TNRC6B: variants seen among roughly 807,000 people sequenced by gnomAD.
The protein encoded by TNRC6B is trinucleotide repeat containing adaptor 6B.
A neutral mutation model predicts 203.6 loss-of-function variants in TNRC6B; 52 were observed. That is an observed-to-expected ratio of 0.26 (90% CI 0.20 to 0.32). TNRC6B has a LOEUF of 0.32. TNRC6B is among the 10% of genes least tolerant of loss of function. The pLI is 1.00. For missense variants in TNRC6B, 1,923 were observed against 2,286.2 expected, an observed-to-expected ratio of 0.84 and a Z score of 3.24; for synonymous variants, 838 against 845.7, an observed-to-expected ratio of 0.99 and a Z score of 0.16.
intron 1 of TNRC6B, chr22:40,106,929 T>C: frequency 9.7e-7 from 1 of 1,032,100 alleles, no homozygotes; most frequent in Non-Finnish European, 1.5e-6. Flanking sequence ...AACTTCCTCC[T>C]TGCCCTTTGA....
intron 1 of TNRC6B, among the ~76,000 whole-genome samples, chr22:40,096,836 A>G (rs1161567260): frequency 1.3e-5 from 2 of 152,264 alleles, no homozygotes; most frequent in African/African-American, 4.8e-5. Context: ...AAAGCAGAGA[A>G]GAAATTTATT....
intron 1 of TNRC6B, among the ~76,000 whole-genome samples, chr22:40,113,064 G>A (rs866873993): frequency 3.3e-5 from 5 of 152,064 alleles, no homozygotes; most frequent in Admixed American, 1.3e-4. Context: ...CTGAGATTGC[G>A]TCACTGCACT....
At chr22:40,207,421 ATATATATAT>A (rs2069496173) in intron 1 of TNRC6B, among the ~76,000 whole-genome samples, 7 of 86,390 alleles carry the variant, frequency 8.1e-5, no homozygotes, top group African/African-American at 5.3e-4. Flanking sequence ...AAAAAAAAAT[ATATATATAT>A]ATATATATAT....
intron 3 of TNRC6B, among the ~76,000 whole-genome samples, chr22:40,155,069 C>T (rs1601846694): frequency 6.6e-6 from 1 of 150,896 alleles, no homozygotes; most frequent in African/African-American, 2.4e-5. Flanking sequence ...CATTTTCATG[C>T]AATATAGTAT....
In TNRC6B at chr22:40,266,368, G is replaced by A. The variant is rs750141934; in HGVS notation, c.2138G>A (p.Arg713Gln). 16 of 1,612,498 alleles carry A rather than the reference G, an allele frequency of 9.9e-6. No individual in the cohort carries two copies. The highest frequency in any genetic ancestry group is 2.2e-5 in the South Asian group (2 of 90,766). ...NNNSSNWGGG[R>Q]PDEKTPSSWN... ...AACTCTTCCAACTGGGGAGGAGGAC[G>A]ACCTGATGAAAAGACACCTTCCTCT... Residue 713 changes from arginine to glutamine, a missense_variant, in exon 5 of 23, where the codon CGA becomes CAA. Coordinates refer to ENST00000454349, the MANE Select transcript of TNRC6B (RefSeq NM_001162501.2).
chr22:40,230,706 C>T (rs1026776884), intron 1 of TNRC6B, among the ~76,000 whole-genome samples: 3 of 152,114 alleles, frequency 2.0e-5, no homozygotes, highest in African/African-American at 7.2e-5. Context: ...TTTTTATTCT[C>T]TTAAATGTCT....
intron 3 of TNRC6B, among the ~76,000 whole-genome samples, chr22:40,252,745 C>T (rs1295432450): frequency 6.6e-6 from 1 of 152,162 alleles, no homozygotes; most frequent in Non-Finnish European, 1.5e-5. Flanking sequence ...TTGTAAATTA[C>T]TTGCTTGAAA....
chr22:40,267,366 A>G (rs1481976312), intron 5 of TNRC6B, among the ~76,000 whole-genome samples: 1 of 152,252 alleles, frequency 6.6e-6, no homozygotes, highest in East Asian at 1.9e-4. Flanking sequence ...AAAGAATTAA[A>G]GTAGTAGCAG....
At position 40,326,022 on chromosome 22, in the gene TNRC6B, A is replaced by AGGG. The variant is rs1159297309; in HGVS notation, c.*2781_*2782insGGG. 2 of 152,450 alleles carry AGGG rather than the reference A, an allele frequency of 1.3e-5. No individual in the cohort carries two copies. The highest frequency in any genetic ancestry group is 4.8e-5 in the African/African-American group (2 of 41,382). 9.4% of individuals were successfully genotyped at this position (152,450 alleles called of 1,614,324 possible). ...TAAGCTTAAAGGGAAAAAAACTAAAAACTTTAAAAAAAAAAGACCAAAAAG... is the reference window on the plus strand; with the variant it reads ...TAAGCTTAAAGGGAAAAAAACTAAAAGGGACTTTAAAAAAAAAAGACCAAAAAG... On this transcript the variant is annotated 3_prime_UTR_variant, in exon 23 of 23. Transcript: ENST00000454349.
chr22:40,321,343 G>GGTGCCATTCT, intron 22 of TNRC6B, 114 bp downstream of exon 22: 1 of 1,226,506 alleles, frequency 8.2e-7, no homozygotes, highest in Non-Finnish European at 1.1e-6. Flanking sequence ...GAATGGCACC[G>GGTGCCATTCT]TCACACGTGC....
At chr22:40,190,992 A>G (rs1026081469) in intron 1 of TNRC6B, among the ~76,000 whole-genome samples, 1 of 152,248 alleles carries the variant, frequency 6.6e-6, no homozygotes, top group African/African-American at 2.4e-5. Flanking sequence ...CTCAACCAGT[A>G]ATGCAAACAG....
At chr22:40,069,036 T>C (rs1310248439) in intron 1 of TNRC6B, among the ~76,000 whole-genome samples, 1 of 152,178 alleles carries the variant, frequency 6.6e-6, no homozygotes, top group African/African-American at 2.4e-5. Flanking sequence ...AACCACACTT[T>C]AGTAAACAAT....
intron 3 of TNRC6B, among the ~76,000 whole-genome samples, chr22:40,259,424 A>G (rs557058797): frequency 1.1e-4 from 16 of 152,266 alleles, no homozygotes; most frequent in African/African-American, 3.4e-4. Flanking sequence ...AGGTTTCACA[A>G]TGTCGGCCAG....
chr22:40,156,118 G>A, exon 4 of TNRC6B: 1 of 1,577,904 alleles, frequency 6.3e-7, no homozygotes, highest in Non-Finnish European at 8.6e-7. Flanking sequence ...TTTGCAGGTG[G>A]AACAGGAGGA....
chr22:40,275,731 G>A (rs1386194859), intron 7 of TNRC6B, among the ~76,000 whole-genome samples: 1 of 151,500 alleles, frequency 6.6e-6, no homozygotes, highest in Non-Finnish European at 1.5e-5. Flanking sequence ...GGCTGAGGCA[G>A]GTGAATCACC....
rs1205712641 is a variant in TNRC6B at position 40,264,671 on chromosome 22, G to C, written c.458-17G>C. The C allele has an allele frequency of 6.4e-7, 1 of 1,552,604 alleles. No individual in the cohort carries two copies. Among genetic ancestry groups the C allele is most frequent in the South Asian group, 1.2e-5 (1 of 80,248 alleles). On this transcript the variant is annotated splice_polypyrimidine_tract_variant and intron_variant, in intron 4 of 22. Transcript: ENST00000454349. ...ATGCATTTGAAGCTGTGATTAATAA[G>C]ATGATCTGTTCCCCAGACTCAACCC... is the stretch of plus-strand genomic sequence containing the variant.
chr22:40,245,136 G>A (rs770521503), intron 1 of TNRC6B, among the ~76,000 whole-genome samples: 11 of 151,872 alleles, frequency 7.2e-5, no homozygotes, highest in Admixed American at 2.0e-4. Context: ...TGTTGACTGG[G>A]CTGGAGTGCA....
intron 1 of TNRC6B, among the ~76,000 whole-genome samples, chr22:40,092,293 C>T (rs1490813709): frequency 6.6e-6 from 1 of 151,592 alleles, no homozygotes; most frequent in Non-Finnish European, 1.5e-5. Flanking sequence ...ATCCCAGCTG[C>T]TTGGGAGGCT....
intron 1 of TNRC6B, among the ~76,000 whole-genome samples, chr22:40,186,598 C>T (rs1188928763): frequency 6.6e-6 from 1 of 151,678 alleles, no homozygotes; most frequent in Non-Finnish European, 1.5e-5. Flanking sequence ...ATTAGCCGGG[C>T]GTGGTGGCGG....
Sources: gnomAD v4.1 joint callset for allele counts (sites outside exome capture counted in the v4.1 genomes callset) on GRCh38, gnomAD v4.1.1 for gene constraint, MANE v1.5 for transcripts, NCBI Gene and HGNC (gene_info 2026-07-23, HGNC 2026-07-21) for gene names.